ROBO1: variants seen among roughly 807,000 people sequenced by gnomAD.
The protein encoded by ROBO1 is roundabout guidance receptor 1.
In ROBO1, 149 loss-of-function variants were observed where a neutral mutation model predicts 195.9. The observed-to-expected ratio is 0.76, with a 90% CI of 0.67 to 0.87. The LOEUF (loss-of-function observed/expected upper bound fraction) is 0.87, where lower values mean the gene tolerates loss of function less well. Among genes scored for constraint, ROBO1 ranks in the 40% least tolerant of loss-of-function variants. The pLI is 0.00. For missense variants in ROBO1, 1,933 were observed against 2,068.3 expected (o/e 0.93, Z 1.27); for synonymous variants, 816 against 733.2 (o/e 1.11, Z -1.82).
At chr3:79,552,831 C>T (rs2107680395) in intron 2 of ROBO1, among the ~76,000 whole-genome samples, 1 of 152,154 alleles carries the variant, frequency 6.6e-6, no homozygotes, top group African/African-American at 2.4e-5. Context: ...TAAACTTTCA[C>T]ACTGTAATTC....
At chr3:78,690,865 C>T (rs925583718) in intron 8 of ROBO1, among the ~76,000 whole-genome samples, 10 of 152,060 alleles carry the variant, frequency 6.6e-5, no homozygotes, top group African/African-American at 2.4e-4. Flanking sequence ...GAATGTGTGC[C>T]AGAATCTATG....
At chr3:79,222,218 C>G (rs116300064) in intron 2 of ROBO1, among the ~76,000 whole-genome samples, 3,274 of 152,058 alleles carry the variant, frequency 0.022, 113 homozygotes, top group African/African-American at 0.073. Context: ...TTTTCCTAGA[C>G]AAAACCAAGG....
At chr3:79,292,444 T>C (rs2032310844) in intron 2 of ROBO1, among the ~76,000 whole-genome samples, 1 of 152,218 alleles carries the variant, frequency 6.6e-6, no homozygotes, top group African/African-American at 2.4e-5. Flanking sequence ...AGGGCATCCC[T>C]GTCTTGTGCC....
chr3:79,432,358 TG>T (rs1385126826), intron 2 of ROBO1, among the ~76,000 whole-genome samples: 1 of 152,108 alleles, frequency 6.6e-6, no homozygotes, highest in Admixed American at 6.6e-5. Context: ...CCATGTGAAA[TG>T]GGTTGAGACA....
intron 3 of ROBO1, among the ~76,000 whole-genome samples, chr3:79,010,707 C>T (rs894487321): frequency 3.3e-5 from 5 of 152,052 alleles, no homozygotes; most frequent in Non-Finnish European, 7.4e-5. Context: ...GAGAAAAGAT[C>T]AAATACCACA....
At chr3:79,684,771 G>A (rs1021033705) in intron 1 of ROBO1, among the ~76,000 whole-genome samples, 3 of 151,974 alleles carry the variant, frequency 2.0e-5, no homozygotes, top group East Asian at 1.9e-4. Context: ...TGCCTCCCGG[G>A]TTCAAGCAAT....
At chr3:79,586,783 G>A (rs1232957663) in intron 2 of ROBO1, among the ~76,000 whole-genome samples, 1 of 151,774 alleles carries the variant, frequency 6.6e-6, no homozygotes, top group Non-Finnish European at 1.5e-5. Context: ...AAAGGTAGAT[G>A]CTTAAAATGT....
intron 1 of ROBO1, among the ~76,000 whole-genome samples, chr3:79,755,278 C>G (rs1385025049): frequency 1.3e-5 from 2 of 152,028 alleles, no homozygotes; most frequent in Non-Finnish European, 2.9e-5. Flanking sequence ...GAATATTATT[C>G]TAATAGATAA....
chr3:79,463,399 C>CA (rs139236000), intron 2 of ROBO1, among the ~76,000 whole-genome samples: 16,194 of 140,272 alleles, frequency 0.12, 869 homozygotes, highest in Middle Eastern at 0.24. Context: ...AAACAAAAAA[C>CA]AAAAAACAAA....
At chr3:79,519,641 A>G (rs1428728292) in intron 2 of ROBO1, among the ~76,000 whole-genome samples, 1 of 150,934 alleles carries the variant, frequency 6.6e-6, no homozygotes, top group Non-Finnish European at 1.5e-5. Flanking sequence ...AAAAAAAAAA[A>G]AAAAAAAAGA....
chr3:79,482,216 A>T, intron 2 of ROBO1, among the ~76,000 whole-genome samples: 1 of 152,192 alleles, frequency 6.6e-6, no homozygotes, highest in East Asian at 1.9e-4. Context: ...GGCTCTACCT[A>T]TGTGAAGATG....
Position 79,303,159 on chromosome 3 carries a change from G to GTTTTTTTTTTTTTTTTTTTTTTTTTT in ROBO1, c.89-177621_89-177620insAAAAAAAAAAAAAAAAAAAAAAAAAA, listed in dbSNP as rs368110549. On this transcript the variant is annotated intron_variant, in intron 2 of 30. Coordinates refer to ENST00000464233, the MANE Select transcript of ROBO1 (RefSeq NM_002941.4). ...ATTAATATATGAATTATCTCACATA[G>GTTTTTTTTTTTTTTTTTTTTTTTTTT]GTTTTTTTTTTTTTTTTTTTTTTTG... 4.2e-5 allele frequency among the ~76,000 whole-genome samples: 3 copies of GTTTTTTTTTTTTTTTTTTTTTTTTTT among 72,090 alleles called. 1 individual carries two copies. The highest frequency in any genetic ancestry group is 2.4e-5 in the Non-Finnish European group (1 of 41,250). The allele number at this position is 72,090 out of a possible 152,430, so 47.3% of individuals were successfully genotyped here. A position where few individuals can be genotyped will look rare whatever the true frequency, so the allele number is the denominator to read the frequency against.
chr3:78,679,224 G>A (rs986077071), intron 10 of ROBO1, among the ~76,000 whole-genome samples: 19 of 151,714 alleles, frequency 1.3e-4, no homozygotes, highest in African/African-American at 4.6e-4. Flanking sequence ...ATATCATACT[G>A]AATGGGCAAA....
At chr3:79,077,231 C>G (rs75925547) in intron 3 of ROBO1, among the ~76,000 whole-genome samples, 4,741 of 151,948 alleles carry the variant, frequency 0.031, 100 homozygotes, top group Middle Eastern at 0.075. Context: ...AACCACTGTT[C>G]TACTTTCTAC....
rs774657289 is a variant in ROBO1 at position 78,714,542 on chromosome 3, G to A, written c.918-18C>T. ...TTTCATATCTAATGACATAACAAAA[G>A]AAAGCACAGTTAAGTGACTTTCTAC... On this transcript the variant is annotated intron_variant, in intron 7 of 30. Transcript: ENST00000464233. 2 of 1,603,378 alleles carry A rather than the reference G, an allele frequency of 1.2e-6. No individual in the cohort carries two copies. Among genetic ancestry groups the A allele is most frequent in the South Asian group, 2.3e-5 (2 of 88,676 alleles).
intron 4 of ROBO1, among the ~76,000 whole-genome samples, chr3:78,823,188 GAT>G (rs2031192443): frequency 4.4e-5 from 2 of 45,692 alleles, no homozygotes; most frequent in African/African-American, 1.0e-4. Flanking sequence ...GATTTAAAAT[GAT>G]TTTTTTTTTT....
At chr3:79,149,732 CT>C (rs2080727564) in intron 2 of ROBO1, among the ~76,000 whole-genome samples, 2 of 151,664 alleles carry the variant, frequency 1.3e-5, no homozygotes, top group Non-Finnish European at 1.5e-5. Flanking sequence ...ACCAGTGCTT[CT>C]TAATCTTTTT....
chr3:79,183,098 G>T (rs1414275514), intron 2 of ROBO1, among the ~76,000 whole-genome samples: 4 of 133,394 alleles, frequency 3.0e-5, no homozygotes, highest in African/African-American at 6.3e-5. Context: ...AAAAAAAAAA[G>T]ATACATAGAG....
At chr3:79,417,297 G>T (rs766455616) in intron 2 of ROBO1, among the ~76,000 whole-genome samples, 20 of 152,220 alleles carry the variant, frequency 1.3e-4, no homozygotes, top group Non-Finnish European at 2.6e-4. Context: ...GCAGCCTGTG[G>T]AGAGGCTCAC....
Sources: gnomAD v4.1 joint callset for allele counts (sites outside exome capture counted in the v4.1 genomes callset) on GRCh38, gnomAD v4.1.1 for gene constraint, MANE v1.5 for transcripts, NCBI Gene and HGNC (gene_info 2026-07-23, HGNC 2026-07-21) for gene names.